Variants in GREB1L observed in about 807,000 individuals in gnomAD.
GREB1L encodes the protein GREB1-like protein.
Under a neutral mutation model 200.8 loss-of-function variants are expected in GREB1L, and 17 were observed. The ratio of observed to expected loss-of-function variants is 0.08; its 90% CI spans 0.06 to 0.13. GREB1L has a LOEUF of 0.13. Ranked by LOEUF, GREB1L falls within the 10% of genes least tolerant of loss-of-function variation. The pLI is 1.00. For synonymous variants in GREB1L, 789 were observed against 893.0 expected, an observed-to-expected ratio of 0.88 and a Z score of 2.08; for missense variants, 1,657 against 2,367.7, an observed-to-expected ratio of 0.70 and a Z score of 6.23.
chr18:21,466,964 C>CCCAT (rs1472509214), intron 15 of GREB1L, among the ~76,000 whole-genome samples: 5 of 152,130 alleles, frequency 3.3e-5, no homozygotes, highest in Non-Finnish European at 5.9e-5. Context: ...CATTTACAAT[C>CCCAT]AATTCAGTTT....
At chr18:21,480,297 G>A (rs1390278392) in intron 17 of GREB1L, among the ~76,000 whole-genome samples, 3 of 152,150 alleles carry the variant, frequency 2.0e-5, no homozygotes, top group Non-Finnish European at 2.9e-5. Context: ...ATTGCAGTGA[G>A]CCGAGATTAT....
chr18:21,337,779 G>A (rs1426649857), intron 1 of GREB1L, among the ~76,000 whole-genome samples: 2 of 152,070 alleles, frequency 1.3e-5, no homozygotes, highest in Admixed American at 6.6e-5. Context: ...GGGATCAGGA[G>A]ATCGAGACCA....
chr18:21,279,159 T>C (rs1343168846), intron 1 of GREB1L, among the ~76,000 whole-genome samples: 2 of 152,180 alleles, frequency 1.3e-5, no homozygotes, highest in Non-Finnish European at 2.9e-5. Context: ...TTTAGAAAAT[T>C]TGAGAAATAG....
chr18:21,427,687 A>G (rs1428274339), intron 7 of GREB1L, among the ~76,000 whole-genome samples: 1 of 152,200 alleles, frequency 6.6e-6, no homozygotes, highest in East Asian at 1.9e-4. Context: ...TGATTTTTGA[A>G]TACTGATCTT....
intron 1 of GREB1L, among the ~76,000 whole-genome samples, chr18:21,343,258 AC>A (rs2039294295): frequency 6.6e-6 from 1 of 152,174 alleles, no homozygotes; most frequent in Non-Finnish European, 1.5e-5. Flanking sequence ...TCATGGGTAA[AC>A]CTACCATTGA....
chr18:21,300,708 G>A (rs931475699), intron 1 of GREB1L, among the ~76,000 whole-genome samples: 4 of 152,112 alleles, frequency 2.6e-5, no homozygotes, highest in Non-Finnish European at 4.4e-5. Context: ...TTCTTCCACT[G>A]CTGTGTTCTT....
chr18:21,373,693 A>G (rs561925904), intron 2 of GREB1L, among the ~76,000 whole-genome samples: 1 of 152,244 alleles, frequency 6.6e-6, no homozygotes, highest in African/African-American at 2.4e-5. Context: ...AACTCTCAAT[A>G]ATCAGGACTA....
intron 7 of GREB1L, among the ~76,000 whole-genome samples, chr18:21,426,404 C>A (rs1464846352): frequency 1.3e-5 from 2 of 152,170 alleles, no homozygotes; most frequent in African/African-American, 4.8e-5. Flanking sequence ...CAACTTCATT[C>A]TTTTGCCTGT....
chr18:21,348,096 C>A (rs1401852224), intron 1 of GREB1L, among the ~76,000 whole-genome samples: 1 of 151,878 alleles, frequency 6.6e-6, no homozygotes, highest in African/African-American at 2.4e-5. Flanking sequence ...AGGCACCCAC[C>A]ACCATGCCCG....
chr18:21,360,840 C>T (rs2039570852), intron 1 of GREB1L, among the ~76,000 whole-genome samples: 1 of 152,116 alleles, frequency 6.6e-6, no homozygotes, highest in Non-Finnish European at 1.5e-5. Context: ...GATAAAATAT[C>T]CTCCATTTTT....
intron 1 of GREB1L, among the ~76,000 whole-genome samples, chr18:21,355,848 TG>T (rs1862556265): frequency 1.3e-5 from 2 of 152,224 alleles, no homozygotes; most frequent in Admixed American, 1.3e-4. Flanking sequence ...ATTTTTTTCT[TG>T]TCTTAAATTA....
intron 5 of GREB1L, among the ~76,000 whole-genome samples, chr18:21,399,589 T>C (rs2041233508): frequency 6.6e-6 from 1 of 152,142 alleles, no homozygotes; most frequent in Non-Finnish European, 1.5e-5. Context: ...GGGCTACTGC[T>C]TTAAGGTATT....
chr18:21,331,083 C>T (rs887252326), intron 1 of GREB1L, among the ~76,000 whole-genome samples: 2 of 152,132 alleles, frequency 1.3e-5, no homozygotes, highest in African/African-American at 4.8e-5. Context: ...AAAATCAGTG[C>T]CTTGTCATTA....
At chr18:21,502,113 G>T (rs2036821123) in intron 23 of GREB1L, among the ~76,000 whole-genome samples, 2 of 152,176 alleles carry the variant, frequency 1.3e-5, no homozygotes, top group African/African-American at 4.8e-5. Context: ...TTAGCCGGGG[G>T]TGATGGCGGG....
At chr18:21,393,676 G>A (rs759922725) in intron 4 of GREB1L, among the ~76,000 whole-genome samples, 49 of 152,062 alleles carry the variant, frequency 3.2e-4, no homozygotes, top group Non-Finnish European at 6.0e-4. Context: ...TGATCCGCCC[G>A]CTTCTGCCTT....
chr18:21,439,446 G>C, intron 7 of GREB1L, 75 bp from the exon 8 acceptor site: 1 of 850,598 alleles, frequency 1.2e-6, no homozygotes, highest in Non-Finnish European at 2.0e-6. Flanking sequence ...AGGTCTATCA[G>C]ATGGTTCCAG....
At chr18:21,266,241 T>C (rs908462413) in intron 1 of GREB1L, among the ~76,000 whole-genome samples, 3 of 152,102 alleles carry the variant, frequency 2.0e-5, no homozygotes, top group South Asian at 2.1e-4. Flanking sequence ...TGTGTTCAAA[T>C]AGGGTTTCAA....
intron 1 of GREB1L, among the ~76,000 whole-genome samples, chr18:21,354,641 G>A (rs553064727): frequency 3.3e-5 from 5 of 152,348 alleles, no homozygotes; most frequent in Admixed American, 2.0e-4. Context: ...AAGGTTCTAT[G>A]AGAGCTTTTA....
intron 15 of GREB1L, among the ~76,000 whole-genome samples, chr18:21,459,170 C>T (rs1280162071): frequency 6.6e-6 from 1 of 151,720 alleles, no homozygotes; most frequent in African/African-American, 2.4e-5. Flanking sequence ...ATAGAGATTA[C>T]TCTATTCAAA....
Sources: allele counts gnomAD v4.1 joint callset (sites outside exome capture counted in the v4.1 genomes callset), GRCh38; gene constraint gnomAD v4.1.1; transcripts MANE v1.5; gene names NCBI Gene and HGNC (gene_info 2026-07-23, HGNC 2026-07-21).